The following FGF22 variants were observed in gnomAD, a reference collection of about 807,000 sequenced individuals.
FGF22 encodes fibroblast growth factor 22, also known as FGF-22.
A neutral mutation model predicts 10.3 loss-of-function variants in FGF22; 11 were observed. The observed-to-expected ratio is 1.07, with a 90% CI of 0.67 to 1.77. The LOEUF (loss-of-function observed/expected upper bound fraction) is 1.77. Ranked by LOEUF, FGF22 falls within the 40% of genes most tolerant of loss-of-function variation. FGF22 has a pLI of 0.00. For missense variants in FGF22, 317 were observed against 273.2 expected (o/e 1.16, Z -1.13); for synonymous variants, 136 against 122.1 (o/e 1.11, Z -0.75).
exon 3 of FGF22, chr19:643,451 A>G: frequency 6.2e-7 from 1 of 1,611,472 alleles, no homozygotes. Context: ...AGCGCATCGA[A>G]GAGAACGGCC....
At chr19:642,641 T>C (rs1310416655) in intron 1 of FGF22, among the ~76,000 whole-genome samples, 1 of 71,404 alleles carries the variant, frequency 1.4e-5, no homozygotes, top group African/African-American at 5.6e-5. Flanking sequence ...GGCTGGGGGG[T>C]CTCTGGGGTG....
rs371757110 is a variant in FGF22, at chr19:643,224, G to A, written c.215-11G>A. ...GCCAGCAAGGCCCTCCCCGACCCCC[G>A]CCTCCCCCAGGCATCCTGGAGATCC... On this transcript the variant is annotated splice_polypyrimidine_tract_variant and intron_variant, in intron 1 of 2. Coordinates refer to ENST00000215530, the Ensembl canonical transcript of FGF22. The A allele has an allele frequency of 1.0e-4, 156 of 1,546,418 alleles. 1 individual carries two copies. Among genetic ancestry groups the A allele is most frequent in the Admixed American group, 1.3e-4 (7 of 53,970 alleles).
At chr19:642,168 CCG>C (rs1985922464) in intron 1 of FGF22, among the ~76,000 whole-genome samples, 2 of 151,758 alleles carry the variant, frequency 1.3e-5, no homozygotes, top group African/African-American at 4.9e-5. Flanking sequence ...GAGTCCCAGT[CCG>C]GAGTCCCAGT....
exon 3 of FGF22, chr19:643,703 G>GC: frequency 9.4e-7 from 1 of 1,064,320 alleles, no homozygotes; most frequent in Non-Finnish European, 1.3e-6. Flanking sequence ...AGCGCTGAGT[G>GC]CCCACCGTGT....
At chr19:640,307 A>T (rs1985860134) in intron 1 of FGF22, 168 bp downstream of exon 1, 1 of 419,800 alleles carries the variant, frequency 2.4e-6, no homozygotes, top group Non-Finnish European at 4.0e-6. Context: ...GCCTGGTGGG[A>T]GGGTTGCACT....
In FGF22 at chr19:640,148, G is replaced by A. The variant is rs1985854269; in HGVS notation, c.214+9G>A. ...GCGCCACGGCCAGGACAGTGAGTGCGGGGCGGCGGGGGCCTGGGGTGGGGA... is the reference window on the plus strand; with the variant it reads ...GCGCCACGGCCAGGACAGTGAGTGCAGGGCGGCGGGGGCCTGGGGTGGGGA... On this transcript the variant is annotated intron_variant, in intron 1 of 2. Transcript: ENST00000215530. 2 of 1,293,126 alleles carry A rather than the reference G, an allele frequency of 1.5e-6. No individual in the cohort carries two copies. Among genetic ancestry groups the A allele is most frequent in the Non-Finnish European group, 2.0e-6 (2 of 1,021,954 alleles). The allele number at this position is 1,293,126 out of a possible 1,614,324, so 80.1% of individuals were successfully genotyped here.
exon 3 of FGF22, chr19:643,619 G>C (rs111917795): frequency 8.0e-6 from 12 of 1,499,460 alleles, no homozygotes; most frequent in Non-Finnish European, 1.1e-5. Flanking sequence ...CTGAGAGGCC[G>C]GCGGCTCCCC....
chr19:640,984 A>G (rs1291612063), intron 1 of FGF22: 4 of 357,502 alleles, frequency 1.1e-5, no homozygotes, highest in Non-Finnish European at 2.2e-5. Context: ...CATGGCGGGC[A>G]TGGCCAGGCG....
exon 3 of FGF22, chr19:643,658 C>A: frequency 7.3e-7 from 1 of 1,372,928 alleles, no homozygotes; most frequent in Non-Finnish European, 9.7e-7. Flanking sequence ...GCGAGGGGCC[C>A]GGCCACGCTT....
At chr19:641,767 AG>A (rs1345068975) in intron 1 of FGF22, among the ~76,000 whole-genome samples, 1 of 152,104 alleles carries the variant, frequency 6.6e-6, no homozygotes, top group Non-Finnish European at 1.5e-5. Context: ...GTGTCCTGGA[AG>A]GTCGGGCTGG....
exon 2 of FGF22, chr19:643,240 C>T: frequency 1.2e-6 from 2 of 1,609,852 alleles, no homozygotes; most frequent in Non-Finnish European, 1.7e-6. Flanking sequence ...CCCAGGCATC[C>T]TGGAGATCCG....
At chr19:643,438 G>C in exon 3 of FGF22, 1 of 1,611,452 alleles carries the variant, frequency 6.2e-7, no homozygotes, top group Non-Finnish European at 8.5e-7. Context: ...TGCAGGTTCC[G>C]GGAGCGCATC....
chr19:643,506 A>T, exon 3 of FGF22: 1 of 1,609,964 alleles, frequency 6.2e-7, no homozygotes, highest in Non-Finnish European at 8.5e-7. Flanking sequence ...CGGCCAGCCC[A>T]TGTTCCTGGC....
exon 2 of FGF22, chr19:643,307 C>G (rs376452466): frequency 6.2e-7 from 1 of 1,610,886 alleles, no homozygotes; most frequent in Non-Finnish European, 8.5e-7. Flanking sequence ...TTCTACGTGG[C>G]CATGAACCGC....
chr19:641,497 G>C lies in FGF22; in HGVS notation c.214+1358G>C, dbSNP rs1214130788. The C allele has an allele frequency of 1.6e-5, 5 of 319,994 alleles. No individual in the cohort carries two copies. The East Asian group carries it at 4.0e-4, about 26-fold the overall frequency. 19.8% of individuals were successfully genotyped at this position (319,994 alleles called of 1,614,324 possible). A position where few individuals can be genotyped will look rare whatever the true frequency, so the allele number is the denominator to read the frequency against. ...GGCTGAGGCAGGAGAATGACGTGAA[G>C]CCGGGAGGTGGAGCTTGCAGTGAGC... On this transcript the variant is annotated intron_variant, in intron 1 of 2. Transcript: ENST00000215530.
exon 1 of FGF22, chr19:639,990 G>A (rs1300264340): frequency 1.6e-6 from 2 of 1,281,180 alleles, no homozygotes; most frequent in Non-Finnish European, 9.8e-7. Flanking sequence ...GACGCCGCGG[G>A]AACCCCGAGC....
At chr19:642,377 G>C (rs1171204013) in intron 1 of FGF22, among the ~76,000 whole-genome samples, 4 of 52,012 alleles carry the variant, frequency 7.7e-5, no homozygotes, top group East Asian at 5.2e-4. Flanking sequence ...GGTGTGAGCT[G>C]TGAGGGCCGG....
exon 3 of FGF22, chr19:643,505 C>G (rs769044828): frequency 1.4e-5 from 22 of 1,610,012 alleles, no homozygotes; most frequent in Non-Finnish European, 1.9e-5. Context: ...GCGGCCAGCC[C>G]ATGTTCCTGG....
intron 1 of FGF22, 200 bp downstream of exon 1, chr19:640,339 G>A: frequency 2.6e-6 from 1 of 386,084 alleles, no homozygotes; most frequent in Non-Finnish European, 4.5e-6. Context: ...GGCTGCAGCG[G>A]CGGACCCGGC....
Sources: gnomAD v4.1 joint callset for allele counts (sites outside exome capture counted in the v4.1 genomes callset) on GRCh38, gnomAD v4.1.1 for gene constraint, MANE v1.5 for transcripts, NCBI Gene and HGNC (gene_info 2026-07-23, HGNC 2026-07-21) for gene names.